The following TCF25 variants were observed in gnomAD, a reference collection of about 807,000 sequenced individuals.
TCF25 encodes ribosome quality control complex subunit TCF25.
TCF25 carries 41 observed loss-of-function variants against 83.1 expected under a neutral mutation model. That is an observed-to-expected ratio of 0.49 (90% CI 0.38 to 0.64). The LOEUF (loss-of-function observed/expected upper bound fraction) is 0.64, where lower values mean the gene tolerates loss of function less well. Among genes scored for constraint, TCF25 ranks in the 30% least tolerant of loss-of-function variants. TCF25 has a pLI of 0.00. For synonymous variants in TCF25, 458 were observed against 365.0 expected, an observed-to-expected ratio of 1.25 and a Z score of -2.90; for missense variants, 979 against 914.5, an observed-to-expected ratio of 1.07 and a Z score of -0.91.
At chr16:89,889,203 TTATTTTTA>T (rs1415880558) in intron 5 of TCF25, 1 of 398,228 alleles carries the variant, frequency 2.5e-6, no homozygotes, top group Admixed American at 3.0e-5. Context: ...TTTTATTTAT[TTATTTTTA>T]TTTTTTTATT....
In TCF25 at chr16:89,892,119, G is replaced by T. The variant is rs538536899; in HGVS notation, c.615-74G>T. ...CAGTTTTGCTTCCACAGCCCGTGCA[G>T]GGATCAGGCAGCCAAGCCTTGGTCC... is the stretch of plus-strand genomic sequence containing the variant. On this transcript the variant is annotated intron_variant, in intron 5 of 17. Coordinates refer to ENST00000263346, the MANE Select transcript of TCF25 (RefSeq NM_014972.3). 74 of 1,437,668 alleles carry T rather than the reference G, an allele frequency of 5.1e-5. No individual in the cohort carries two copies. The Middle Eastern group carries it at 7.2e-4, about 14-fold the overall frequency. 89.1% of individuals were successfully genotyped at this position (1,437,668 alleles called of 1,614,324 possible). A position where few individuals can be genotyped will look rare whatever the true frequency, so the allele number is the denominator to read the frequency against.
Position 89,900,805 on chromosome 16 carries a change from G to A in TCF25, c.1381+11G>A, listed in dbSNP as rs368826738. 106 of 1,562,718 alleles carry A rather than the reference G, an allele frequency of 6.8e-5. No homozygotes were observed. The African/African-American group carries it at 7.7e-4, about 11-fold the overall frequency. On this transcript the variant is annotated intron_variant, in intron 12 of 17. Coordinates refer to ENST00000263346, the MANE Select transcript of TCF25 (RefSeq NM_014972.3). ...CCATGTTCCCTGGAGGTGAGTGAGC[G>A]CTGTGTCTCGCCTGGGGTAGGGGTG...
chr16:89,874,749 G>C (rs1245342197), intron 1 of TCF25: 1 of 152,100 alleles, frequency 6.6e-6, no homozygotes. Flanking sequence ...TAGGACTACA[G>C]GTGGATGTCA....
At chr16:89,885,197 T>C (rs2042914557) in intron 3 of TCF25, among the ~76,000 whole-genome samples, 1 of 152,218 alleles carries the variant, frequency 6.6e-6, no homozygotes. Context: ...TATTCCTTCC[T>C]ATTAGGAGTA....
intron 9 of TCF25, among the ~76,000 whole-genome samples, chr16:89,897,145 T>C (rs1327880839): frequency 1.3e-5 from 2 of 152,242 alleles, no homozygotes; most frequent in Non-Finnish European, 2.9e-5. Context: ...CTGGCAAGTT[T>C]AGAAGCTTTG....
In TCF25 at chr16:89,906,246, C is replaced by G; in HGVS notation, c.1681C>G (p.Leu561Val). The change falls in exon 15 of 18, where the codon CTC becomes GTC. Residue 561 changes from leucine (L) to valine (V), a missense_variant. Transcript: ENST00000263346. ...CAGGAATATCCACCGCCATGTGATC[C>G]TCTCTGAGATCAAGGAAGCCGTCGC... ...APRNIHRHVILSEIKEAVAAL... is the reference protein window; with the variant it reads ...APRNIHRHVIVSEIKEAVAAL... The G allele has an allele frequency of 1.2e-6, 2 of 1,613,420 alleles. No homozygotes were observed. The highest frequency in any genetic ancestry group is 2.2e-5 in the East Asian group (1 of 44,888).
intron 3 of TCF25, among the ~76,000 whole-genome samples, chr16:89,885,063 G>C (rs556379913): frequency 2.4e-5 from 2 of 84,852 alleles, no homozygotes; most frequent in African/African-American, 9.9e-5. Context: ...TCTGCCTGAC[G>C]CCCTCTCCCT....
chr16:89,892,076 C>A, intron 5 of TCF25, 117 bp from the exon 6 acceptor site: 2 of 948,748 alleles, frequency 2.1e-6, no homozygotes, highest in Non-Finnish European at 3.0e-6. Flanking sequence ...CCCTGCCCCA[C>A]ATGCCTTCTC....
At chr16:89,897,955 C>G (rs529932267) in intron 9 of TCF25, among the ~76,000 whole-genome samples, 2 of 151,942 alleles carry the variant, frequency 1.3e-5, no homozygotes, top group Non-Finnish European at 2.9e-5. Flanking sequence ...TACAAAAAAT[C>G]AGCTGGGTGT....
Position 89,905,040 on chromosome 16 carries a change from C to T in TCF25, c.1572C>T (p.His524=), listed in dbSNP as rs561814564. 1.9e-5 allele frequency: 30 copies of T among 1,602,790 alleles called. No homozygotes were observed. In the South Asian group the frequency reaches 1.9e-4, roughly 10 times the overall value. The change falls in exon 14 of 18, where the codon CAC becomes CAT. Residue 524 remains histidine, a synonymous_variant. Coordinates refer to ENST00000263346, the MANE Select transcript of TCF25 (RefSeq NM_014972.3). ...TGAGCTGGCTGGAGGAGAACGTCCA[C>T]GAGGTTCTGCAAGCAGTGGACGCCG... ...ATMSWLEENV[H]EVLQAVDAGD...
intron 12 of TCF25, among the ~76,000 whole-genome samples, chr16:89,901,507 A>C (rs1458357603): frequency 7.5e-6 from 1 of 133,946 alleles, no homozygotes; most frequent in Non-Finnish European, 1.7e-5. Context: ...GCACTTTGGG[A>C]GGCCGAGGTG....
chr16:89,894,740 G>A (rs2043715443), intron 7 of TCF25, among the ~76,000 whole-genome samples: 1 of 152,178 alleles, frequency 6.6e-6, no homozygotes, highest in South Asian at 2.1e-4. Flanking sequence ...CTCGGCCCGG[G>A]TTCAAGCGAT....
At chr16:89,894,467 C>CT (rs1447092771) in intron 7 of TCF25, among the ~76,000 whole-genome samples, 1 of 152,252 alleles carries the variant, frequency 6.6e-6, no homozygotes, top group Non-Finnish European at 1.5e-5. Flanking sequence ...TCCCCGTCAT[C>CT]TCCCTGTGGG....
At chr16:89,893,391 C>G (rs965823136) in intron 6 of TCF25, among the ~76,000 whole-genome samples, 4 of 152,204 alleles carry the variant, frequency 2.6e-5, no homozygotes, top group African/African-American at 9.6e-5. Flanking sequence ...GGGGACAGTG[C>G]TCGGCGTGGT....
Position 89,904,162 on chromosome 16 carries a change from A to T in TCF25, c.1426A>T (p.Ser476Cys). The change falls in exon 13 of 18, where the codon AGC becomes TGC. Residue 476 changes from serine (S) to cysteine (C), a missense_variant. Coordinates refer to ENST00000263346, the MANE Select transcript of TCF25 (RefSeq NM_014972.3). ...LESCSVRPDA[S>C]VSSHRFFGPN... ...GTCTTGCAGTGTGCGGCCCGACGCC[A>T]GCGTTTCCAGTCACCGCTTCTTTGG... The T allele has an allele frequency of 6.2e-7, 1 of 1,603,790 alleles. No individual in the cohort carries two copies. The highest frequency in any genetic ancestry group is 8.5e-7 in the Non-Finnish European group (1 of 1,175,260).
intron 1 of TCF25, among the ~76,000 whole-genome samples, chr16:89,882,039 C>T (rs62052170): frequency 3.0e-3 from 452 of 152,278 alleles, no homozygotes; most frequent in Non-Finnish European, 5.0e-3. Flanking sequence ...AGGGGTGCAC[C>T]GCCACCGTGC....
At chr16:89,891,474 C>T (rs898065311) in intron 5 of TCF25, among the ~76,000 whole-genome samples, 4 of 152,224 alleles carry the variant, frequency 2.6e-5, no homozygotes, top group Non-Finnish European at 5.9e-5. Flanking sequence ...TGACCGTGGG[C>T]ATGGCTGCTG....
chr16:89,893,527 A>G (rs1004649891), intron 6 of TCF25, among the ~76,000 whole-genome samples: 1 of 152,212 alleles, frequency 6.6e-6, no homozygotes, highest in Non-Finnish European at 1.5e-5. Context: ...AGCAGACGGG[A>G]TGCCGTCTCC....
intron 15 of TCF25, 85 bp downstream of exon 15, chr16:89,906,369 G>A (rs953847311): frequency 1.3e-5 from 18 of 1,352,244 alleles, no homozygotes; most frequent in African/African-American, 1.0e-4. Flanking sequence ...ACATGCAGGC[G>A]TGCGTGGTGC....
Sources: allele counts gnomAD v4.1 joint callset (sites outside exome capture counted in the v4.1 genomes callset), GRCh38; gene constraint gnomAD v4.1.1; transcripts MANE v1.5; gene names NCBI Gene and HGNC (gene_info 2026-07-23, HGNC 2026-07-21).